The following SYNE2 variants were observed in gnomAD, a reference collection of about 807,000 sequenced individuals.
SYNE2 encodes nesprin-2.
In SYNE2, 431 loss-of-function variants were observed where a neutral mutation model predicts 856.3. The observed-to-expected ratio is 0.50, with a 90% CI of 0.47 to 0.55. The LOEUF is 0.55. Ranked by LOEUF, SYNE2 falls within the 20% of genes least tolerant of loss-of-function variation. SYNE2 has a pLI of 0.00. For missense variants in SYNE2, 8,129 were observed against 8,023.2 expected, an observed-to-expected ratio of 1.01 and a Z score of -0.50; for synonymous variants, 2,923 against 2,872.3, an observed-to-expected ratio of 1.02 and a Z score of -0.56.
At chr14:64,087,970 G>A in intron 58 of SYNE2, 114 bp downstream of exon 58, 2 of 1,128,118 alleles carry the variant, frequency 1.8e-6, no homozygotes, top group Non-Finnish European at 2.6e-6. Context: ...ATCACTTGAG[G>A]TCAGGAGTTC....
At chr14:64,138,912 T>TTGTGTG (rs143789075) in intron 79 of SYNE2, among the ~76,000 whole-genome samples, 9,659 of 144,104 alleles carry the variant, frequency 0.067, 459 homozygotes, top group African/African-American at 0.13. Context: ...CAAATGCTGG[T>TTGTGTG]TGTGTGTGTG....
chr14:63,933,791 A>C (rs2095795736), intron 2 of SYNE2, among the ~76,000 whole-genome samples: 1 of 152,136 alleles, frequency 6.6e-6, no homozygotes, highest in Non-Finnish European at 1.5e-5. Flanking sequence ...AAAAGGTCCT[A>C]TTCTCTACAT....
At chr14:64,065,066 T>A (rs530844051) in intron 50 of SYNE2, among the ~76,000 whole-genome samples, 1 of 152,248 alleles carries the variant, frequency 6.6e-6, no homozygotes, top group African/African-American at 2.4e-5. Flanking sequence ...GGTTTCAACA[T>A]GTTGGCCAGG....
chr14:63,916,780 A>C (rs1028415698), intron 2 of SYNE2, among the ~76,000 whole-genome samples: 24 of 152,090 alleles, frequency 1.6e-4, no homozygotes, highest in African/African-American at 5.8e-4. Context: ...TAGGAAGAGG[A>C]ACACTATTAA....
rs531063580 is a variant in SYNE2 at position 63,861,147 on chromosome 14, T to G, written c.-52+8004T>G. On this transcript the variant is annotated intron_variant, in intron 1 of 115. Transcript: ENST00000555002. ...GAAATGTGATATTTACCACATTGTT[T>G]TTTTTTTTTTTTTTTGAGACGGAGT... Among the ~76,000 whole-genome samples, 27 of 23,332 alleles carry G rather than the reference T, an allele frequency of 1.2e-3. No homozygotes were observed. In the South Asian group the frequency reaches 0.082, roughly 71 times the overall value. The allele number at this position is 23,332 out of a possible 152,430, so 15.3% of individuals were successfully genotyped here. A position where few individuals can be genotyped will look rare whatever the true frequency, so the allele number is the denominator to read the frequency against.
At chr14:64,198,163 G>A (rs1338579241) in intron 99 of SYNE2, among the ~76,000 whole-genome samples, 1 of 152,208 alleles carries the variant, frequency 6.6e-6, no homozygotes, top group Non-Finnish European at 1.5e-5. Context: ...AATGTTAAGA[G>A]CACCTGGGTC....
At position 64,048,041 on chromosome 14, in the gene SYNE2, T is replaced by C; in HGVS notation, c.7263T>C (p.Leu2421=). The change falls in exon 46 of 116, where the codon CTT becomes CTC. Residue 2421 remains leucine, a synonymous_variant. Coordinates refer to ENST00000555002, the MANE Select transcript of SYNE2 (RefSeq NM_182914.3). ...TGGCTATGTCAAAACAACTTTCTCT[T>C]AATGCTCAAGAAAGCATGAAAAACA... ...VEMAMSKQLS[L]NAQESMKNTE... is the part of the protein sequence containing the mutation. 6.2e-7 allele frequency: 1 copy of C among 1,613,850 alleles called. No homozygotes were observed. The highest frequency in any genetic ancestry group is 1.3e-5 in the African/African-American group (1 of 75,052).
intron 64 of SYNE2, among the ~76,000 whole-genome samples, chr14:64,103,678 C>T (rs1354469848): frequency 6.6e-6 from 1 of 152,156 alleles, no homozygotes; most frequent in Non-Finnish European, 1.5e-5. Context: ...TAGGTTCCTT[C>T]CTTCTCTACC....
intron 99 of SYNE2, among the ~76,000 whole-genome samples, chr14:64,199,713 C>CAAAAAA (rs34710996): frequency 2.9e-4 from 19 of 66,020 alleles, no homozygotes; most frequent in South Asian, 4.9e-4. Context: ...GACTCTGTCT[C>CAAAAAA]AAAAAAAAAA....
At chr14:63,845,342 G>A (rs1408211380) in intron 1 of SYNE2, among the ~76,000 whole-genome samples, 1 of 151,826 alleles carries the variant, frequency 6.6e-6, no homozygotes, top group Non-Finnish European at 1.5e-5. Context: ...CTTGAACCCA[G>A]GAGGCAGAGG....
At chr14:63,785,482 A>C (rs1216732959) in intron 1 of SYNE2, among the ~76,000 whole-genome samples, 3 of 148,732 alleles carry the variant, frequency 2.0e-5, no homozygotes, top group Non-Finnish European at 4.5e-5. Flanking sequence ...ACAAACAAAC[A>C]AAAAAAACAC....
chr14:63,983,894 A>G lies in SYNE2; in HGVS notation c.2151+8A>G. On this transcript the variant is annotated splice_region_variant and intron_variant, in intron 18 of 115. Coordinates refer to ENST00000555002, the MANE Select transcript of SYNE2 (RefSeq NM_182914.3). ...TATAATCAAAATATAAAGGTAAAATAATCATACTTTGTATATTTCACTTGC... is the reference window on the plus strand; with the variant it reads ...TATAATCAAAATATAAAGGTAAAATGATCATACTTTGTATATTTCACTTGC... 6.7e-7 allele frequency: 1 copy of G among 1,484,534 alleles called. No individual in the cohort carries two copies. Among genetic ancestry groups the G allele is most frequent in the Non-Finnish European group, 9.3e-7 (1 of 1,073,674 alleles). The allele number at this position is 1,484,534 out of a possible 1,614,324, so 92.0% of individuals were successfully genotyped here.
intron 65 of SYNE2, chr14:64,113,077 GGGT>G (rs1293498918): frequency 1.0e-6 from 1 of 985,210 alleles, no homozygotes; most frequent in African/African-American, 1.7e-5. Flanking sequence ...GGGGCTCACC[GGGT>G]AGTGAACTGT....
chr14:63,779,745 C>G (rs1484563623), intron 1 of SYNE2, among the ~76,000 whole-genome samples: 1 of 151,972 alleles, frequency 6.6e-6, no homozygotes, highest in Non-Finnish European at 1.5e-5. Context: ...AACCCCATCT[C>G]TATTGCAAAT....
chr14:63,857,384 G>T (rs1892102699), intron 1 of SYNE2, among the ~76,000 whole-genome samples: 1 of 152,138 alleles, frequency 6.6e-6, no homozygotes, highest in African/African-American at 2.4e-5. Context: ...CCCATTGATA[G>T]ACATTTAGGT....
intron 1 of SYNE2, among the ~76,000 whole-genome samples, chr14:63,763,886 G>A (rs567435129): frequency 6.6e-6 from 1 of 152,170 alleles, no homozygotes; most frequent in African/African-American, 2.4e-5. Context: ...TGCCCAGGCT[G>A]GTCTCCCCTC....
At chr14:63,929,151 A>G (rs1056804254) in intron 2 of SYNE2, among the ~76,000 whole-genome samples, 4 of 152,056 alleles carry the variant, frequency 2.6e-5, no homozygotes, top group African/African-American at 4.8e-5. Flanking sequence ...TAGCTTCAGG[A>G]TGGAGTCTGG....
intron 85 of SYNE2, among the ~76,000 whole-genome samples, chr14:64,154,622 A>G (rs574072146): frequency 6.6e-6 from 1 of 151,948 alleles, no homozygotes; most frequent in African/African-American, 2.4e-5. Context: ...GCAAAACCCT[A>G]TCTCTACCAA....
intron 2 of SYNE2, among the ~76,000 whole-genome samples, chr14:63,923,175 CA>C (rs1396808846): frequency 2.0e-5 from 3 of 152,030 alleles, no homozygotes; most frequent in African/African-American, 7.2e-5. Context: ...GGAGGAGAGA[CA>C]AATAGCACCC....
Sources: allele counts gnomAD v4.1 joint callset (sites outside exome capture counted in the v4.1 genomes callset), GRCh38; gene constraint gnomAD v4.1.1; transcripts MANE v1.5; gene names NCBI Gene and HGNC (gene_info 2026-07-23, HGNC 2026-07-21).